COMMD10: variants seen among roughly 807,000 people sequenced by gnomAD.
COMMD10 encodes COMM domain containing 10.
Under a neutral mutation model 28.9 loss-of-function variants are expected in COMMD10, and 33 were observed. The ratio of observed to expected loss-of-function variants is 1.14; its 90% CI spans 0.87 to 1.53. The LOEUF (loss-of-function observed/expected upper bound fraction) is 1.53, where lower values mean the gene tolerates loss of function less well. Among genes scored for constraint, COMMD10 ranks in the 40% most tolerant of loss-of-function variants. The pLI, the probability that COMMD10 is intolerant of heterozygous loss-of-function variation, is 0.00. For synonymous variants in COMMD10, 110 were observed against 81.7 expected (o/e 1.35, Z -1.87); for missense variants, 310 against 233.4 (o/e 1.33, Z -2.14).
chr5:116,175,644 G>A (rs1412866402), intron 5 of COMMD10, among the ~76,000 whole-genome samples: 1 of 152,106 alleles, frequency 6.6e-6, no homozygotes, highest in Non-Finnish European at 1.5e-5. Flanking sequence ...GCAGATGCAT[G>A]GATAAGCAAA....
intron 4 of COMMD10, among the ~76,000 whole-genome samples, chr5:116,104,671 G>T (rs1030086192): frequency 4.0e-5 from 6 of 151,534 alleles, no homozygotes; most frequent in African/African-American, 1.5e-4. Context: ...CCAGGCTGGA[G>T]TGCAGTGGCA....
chr5:116,211,190 A>G (rs1450680984), intron 5 of COMMD10, among the ~76,000 whole-genome samples: 5 of 152,214 alleles, frequency 3.3e-5, no homozygotes, highest in African/African-American at 9.6e-5. Flanking sequence ...ATTTGTATGT[A>G]TATGCAGTCA....
At chr5:116,127,379 A>G (rs139881014) in intron 4 of COMMD10, among the ~76,000 whole-genome samples, 2,956 of 152,228 alleles carry the variant, frequency 0.019, 88 homozygotes, top group African/African-American at 0.062. Flanking sequence ...GATTCCTCAA[A>G]GATCTAGAAC....
At chr5:116,259,710 T>TG (rs1207020345) in intron 5 of COMMD10, among the ~76,000 whole-genome samples, 2 of 151,804 alleles carry the variant, frequency 1.3e-5, no homozygotes, top group Non-Finnish European at 2.9e-5. Context: ...GAAGTGGGTG[T>TG]GGCTGGGCAG....
Position 116,087,584 on chromosome 5 carries a change from GA to G in COMMD10, c.131del (p.Lys44ArgfsTer20). 6.3e-7 allele frequency: 1 copy of G among 1,593,882 alleles called. No individual in the cohort carries two copies. The highest frequency in any genetic ancestry group is 8.6e-7 in the Non-Finnish European group (1 of 1,161,606). On this transcript the variant is annotated frameshift_variant and splice_region_variant, in exon 2 of 7. Coordinates refer to ENST00000274458, the MANE Select transcript of COMMD10 (RefSeq NM_016144.4). LOFTEE classifies it high-confidence loss of function. ...CTCGGATTCTTCAAAAACTTCACCT[GA>G]AGGTTTGTATTTGTGTGTTTCCATG... ...LTRILQKLHL[K>X]AESSFSEEEE...
At chr5:116,274,509 T>C (rs1580604145) in intron 5 of COMMD10, among the ~76,000 whole-genome samples, 1 of 151,864 alleles carries the variant, frequency 6.6e-6, no homozygotes, top group African/African-American at 2.4e-5. Context: ...GCCTGCGGAC[T>C]ATCAATCCCT....
intron 5 of COMMD10, among the ~76,000 whole-genome samples, chr5:116,199,147 C>G (rs1012717043): frequency 2.0e-5 from 3 of 152,072 alleles, no homozygotes; most frequent in African/African-American, 7.2e-5. Flanking sequence ...TAGATTTTGG[C>G]CATTTTAGTA....
At chr5:116,247,431 C>T (rs980375775) in intron 5 of COMMD10, among the ~76,000 whole-genome samples, 2 of 152,000 alleles carry the variant, frequency 1.3e-5, no homozygotes, top group African/African-American at 4.8e-5. Flanking sequence ...GACCTAACAG[C>T]AGAAATACCA....
chr5:116,142,699 T>A (rs1279994085), intron 5 of COMMD10, among the ~76,000 whole-genome samples: 1 of 151,738 alleles, frequency 6.6e-6, no homozygotes, highest in East Asian at 1.9e-4. Context: ...TTTGTAATAT[T>A]ATAGCGCCCC....
At chr5:116,100,805 G>T (rs1750635706) in intron 4 of COMMD10, among the ~76,000 whole-genome samples, 1 of 151,852 alleles carries the variant, frequency 6.6e-6, no homozygotes, top group South Asian at 2.1e-4. Context: ...TAAATTCATG[G>T]TGTACAACTG....
chr5:116,103,167 T>A (rs548842467), intron 4 of COMMD10, among the ~76,000 whole-genome samples: 1 of 152,338 alleles, frequency 6.6e-6, no homozygotes, highest in East Asian at 1.9e-4. Flanking sequence ...TGATTTATAA[T>A]CCTTTGGGTA....
chr5:116,102,533 A>G (rs577366240), intron 4 of COMMD10, among the ~76,000 whole-genome samples: 25 of 152,178 alleles, frequency 1.6e-4, no homozygotes, highest in Non-Finnish European at 2.9e-4. Context: ...TGCTTTGGCC[A>G]TTCAGGTTCT....
intron 5 of COMMD10, among the ~76,000 whole-genome samples, chr5:116,156,359 A>G (rs1298517288): frequency 2.6e-5 from 4 of 152,152 alleles, no homozygotes; most frequent in African/African-American, 9.7e-5. Context: ...GAACAATAGT[A>G]GGTGCCTCAC....
chr5:116,156,541 TAAGC>T (rs1365076039), intron 5 of COMMD10, among the ~76,000 whole-genome samples: 1 of 152,158 alleles, frequency 6.6e-6, no homozygotes, highest in East Asian at 1.9e-4. Flanking sequence ...ATATGCCCTT[TAAGC>T]AACATTTTCG....
intron 5 of COMMD10, among the ~76,000 whole-genome samples, chr5:116,283,120 T>G (rs541829099): frequency 8.9e-4 from 136 of 152,008 alleles, no homozygotes; most frequent in Admixed American, 2.0e-3. Context: ...TACATATAAA[T>G]GCTTTTATCT....
chr5:116,100,934 C>G (rs1451191985), intron 4 of COMMD10, among the ~76,000 whole-genome samples: 3 of 152,142 alleles, frequency 2.0e-5, no homozygotes, highest in Non-Finnish European at 2.9e-5. Flanking sequence ...TGTCATTCCA[C>G]TTTTTACATC....
intron 5 of COMMD10, among the ~76,000 whole-genome samples, chr5:116,259,449 C>T (rs1208684525): frequency 6.6e-6 from 1 of 151,390 alleles, no homozygotes; most frequent in African/African-American, 2.4e-5. Context: ...ACGTTTTCCT[C>T]TGTTTCTTTT....
chr5:116,121,857 AGT>A (rs759760581), intron 4 of COMMD10, among the ~76,000 whole-genome samples: 6 of 151,626 alleles, frequency 4.0e-5, no homozygotes, highest in Non-Finnish European at 8.8e-5. Context: ...AATTTGTTGG[AGT>A]TCTTTGTAGA....
At chr5:116,108,924 T>TA (rs1374359331) in intron 4 of COMMD10, among the ~76,000 whole-genome samples, 5 of 152,110 alleles carry the variant, frequency 3.3e-5, no homozygotes, top group African/African-American at 1.2e-4. Flanking sequence ...TACAGTCTCT[T>TA]ACGGCTTCCC....
Sources: allele counts gnomAD v4.1 joint callset (sites outside exome capture counted in the v4.1 genomes callset), GRCh38; gene constraint gnomAD v4.1.1; transcripts MANE v1.5; gene names NCBI Gene and HGNC (gene_info 2026-07-23, HGNC 2026-07-21).